LTBR: variants seen among roughly 807,000 people sequenced by gnomAD.
LTBR encodes the protein tumor necrosis factor receptor superfamily member 3.
LTBR carries 15 observed loss-of-function variants against 45.4 expected under a neutral mutation model. The observed-to-expected ratio is 0.33, with a 90% CI of 0.22 to 0.51. LTBR has a LOEUF of 0.51. LTBR is among the 20% of genes least tolerant of loss of function. The probability of loss-of-function intolerance (pLI) is 0.97; values close to 1 mark genes in which losing one functional copy is unlikely to be tolerated. For missense variants in LTBR, 450 were observed against 565.5 expected (o/e 0.80, Z 2.07); for synonymous variants, 228 against 231.0 (o/e 0.99, Z 0.12).
rs145130663 is a variant in LTBR at position 6,386,095 on chromosome 12, G to A, written c.502G>A (p.Val168Ile). The A allele has an allele frequency of 2.1e-5, 34 of 1,613,772 alleles. No individual in the cohort carries two copies. Among genetic ancestry groups the A allele is most frequent in the Middle Eastern group, 1.6e-4 (1 of 6,082 alleles). ...AGTTGGGAAGGGTAACAACCACTGCGTCCCCTGCAAGGCCGGGCACTTCCA... is the reference window on the plus strand; with the variant it reads ...AGTTGGGAAGGGTAACAACCACTGCATCCCCTGCAAGGCCGGGCACTTCCA... ...DEVGKGNNHC[V>I]PCKAGHFQNT... The change falls in exon 5 of 10, where the codon GTC (valine) becomes ATC (isoleucine). Residue 168 changes from valine to isoleucine, a missense_variant. Val to Ile is a conservative substitution (Grantham distance 29). Coordinates refer to ENST00000228918, the MANE Select transcript of LTBR (RefSeq NM_002342.3). The surrounding 1 kb of genome is among the most constrained non-coding windows in gnomAD (Gnocchi z 4.1).
chr12:6,382,400 C>T (rs569157114), upstream of LTBR, among the ~76,000 whole-genome samples: 1 of 152,118 alleles, frequency 6.6e-6, no homozygotes, highest in African/African-American at 2.4e-5. Flanking sequence ...GGTATATTAT[C>T]TTGCATGTGG....
intron 1 of LTBR, chr12:6,376,235 T>C (rs1948906376): frequency 7.2e-6 from 7 of 967,698 alleles, no homozygotes; most frequent in Non-Finnish European, 8.6e-6. Flanking sequence ...CCCTCCTCTT[T>C]CCTGCTGATT....
intron 4 of LTBR, chr12:6,385,742 T>C: frequency 3.0e-6 from 1 of 335,712 alleles, no homozygotes; most frequent in Non-Finnish European, 5.4e-6. Flanking sequence ...CCGTCTCTAC[T>C]AAAAATACAA....
rs563848590 is a variant in LTBR at position 6,385,167 on chromosome 12, C to CG, written c.319+27dup. On this transcript the variant is annotated intron_variant, in intron 3 of 9. Transcript: ENST00000228918. The stretch of plus-strand genomic sequence containing the variant: ...ACCCAGGTGAGTGGGGATGTGCCTG[C>CG]GGGGGGGCTGGATCCCCTGGAGCTT... The CG allele has an allele frequency of 9.3e-6, 15 of 1,613,554 alleles. No individual in the cohort carries two copies. Among genetic ancestry groups the CG allele is most frequent in the South Asian group, 4.4e-5 (4 of 91,080 alleles).
At chr12:6,376,191 G>A (rs986384778) in intron 1 of LTBR, 48 of 985,106 alleles carry the variant, frequency 4.9e-5, no homozygotes, top group Non-Finnish European at 5.7e-5. Flanking sequence ...TGGGAGCAGC[G>A]CACTCAGGTG....
Position 6,386,471 on chromosome 12 carries a change from G to A in LTBR, c.667+27G>A, listed in dbSNP as rs530145689. The A allele has an allele frequency of 4.3e-4, 680 of 1,571,060 alleles. 12 individuals carry two copies. The South Asian group carries it at 6.5e-3, about 15-fold the overall frequency. On this transcript the variant is annotated intron_variant, in intron 6 of 9. Coordinates refer to ENST00000228918, the MANE Select transcript of LTBR (RefSeq NM_002342.3). The surrounding 1 kb of genome is among the most constrained non-coding windows in gnomAD (Gnocchi z 4.1). Reference sequence around the variant, plus strand: ...TGAGGGACCAGGGCTGAGGGACACGGGGGGGGCGCCTCTGAAAATGCCTTA... The same window carrying A: ...TGAGGGACCAGGGCTGAGGGACACGAGGGGGGCGCCTCTGAAAATGCCTTA...
In LTBR at chr12:6,385,055, G is replaced by C; in HGVS notation, c.227G>C (p.Arg76Pro). The change falls in exon 3 of 10, where the codon CGG (arginine) becomes CCG (proline). Residue 76 changes from arginine to proline, a missense_variant. Arg to Pro is a moderately radical substitution (Grantham distance 103). Coordinates refer to ENST00000228918, the MANE Select transcript of LTBR (RefSeq NM_002342.3). ...TYVSAKCSRI[R>P]DTVCATCAEN... Reference sequence around the variant, plus strand: ...GTCTCAGCTAAATGTAGCCGCATCCGGGACACAGTTTGTGCCACATGTGCC... The same window carrying C: ...GTCTCAGCTAAATGTAGCCGCATCCCGGACACAGTTTGTGCCACATGTGCC... 6.2e-7 allele frequency: 1 copy of C among 1,614,150 alleles called. No homozygotes were observed. Among genetic ancestry groups the C allele is most frequent in the Non-Finnish European group, 8.5e-7 (1 of 1,180,016 alleles).
Position 6,391,026 on chromosome 12 carries a change from G to A in LTBR, c.*89G>A. The A allele has an allele frequency of 1.5e-6, 2 of 1,341,788 alleles. No homozygotes were observed. Among genetic ancestry groups the A allele is most frequent in the Non-Finnish European group, 2.0e-6 (2 of 1,008,726 alleles). 83.1% of individuals were successfully genotyped at this position (1,341,788 alleles called of 1,614,324 possible). A position where few individuals can be genotyped will look rare whatever the true frequency, so the allele number is the denominator to read the frequency against. ...GCCCACGTGGGATTCACAGGGGCCTGAGTAGGGCCCGGGGAAGCAGAGCCC... is the reference window on the plus strand; with the variant it reads ...GCCCACGTGGGATTCACAGGGGCCTAAGTAGGGCCCGGGGAAGCAGAGCCC... On this transcript the variant is annotated 3_prime_UTR_variant, in exon 10 of 10. Transcript: ENST00000228918.
intron 1 of LTBR, chr12:6,377,130 G>A (rs1948925796): frequency 4.3e-6 from 3 of 692,326 alleles, no homozygotes; most frequent in African/African-American, 1.8e-5. Flanking sequence ...AAGAGAAAAG[G>A]CAGTACTCCA....
Position 6,388,286 on chromosome 12 carries a change from T to C in LTBR, c.668-112T>C, listed in dbSNP as rs1949071239. On this transcript the variant is annotated intron_variant, in intron 6 of 9. Transcript: ENST00000228918. This position sits in a 1 kb window ranked among gnomAD's most constrained non-coding sequence, Gnocchi z 4.3. The stretch of plus-strand genomic sequence containing the variant: ...GCATTGTGTCTAGAAGGAAAAAAGC[T>C]GCTCCCTTTTCTCTGTCTGGGTTGC... 17 of 738,990 alleles carry C rather than the reference T, an allele frequency of 2.3e-5. No homozygotes were observed. The South Asian group carries it at 2.6e-4, about 11-fold the overall frequency. 45.8% of individuals were successfully genotyped at this position (738,990 alleles called of 1,614,324 possible). A position where few individuals can be genotyped will look rare whatever the true frequency, so the allele number is the denominator to read the frequency against.
Position 6,384,304 on chromosome 12 carries a change from C to T in LTBR, c.-55C>T. 1 of 1,437,168 alleles carries T rather than the reference C, an allele frequency of 7.0e-7. No individual in the cohort carries two copies. The allele number at this position is 1,437,168 out of a possible 1,614,324, so 89.0% of individuals were successfully genotyped here. On this transcript the variant is annotated 5_prime_UTR_variant, in exon 1 of 10. Transcript: ENST00000228918. The stretch of plus-strand genomic sequence containing the variant: ...GCCACCGCTGCCCAGGACGTCGGGC[C>T]TCCTGCCTTCCTCCCAGGCCCCCAC...
chr12:6,385,892 A>G (rs1236000245), intron 4 of LTBR, 174 bp from the exon 5 acceptor site: 7 of 524,466 alleles, frequency 1.3e-5, no homozygotes, highest in Admixed American at 3.5e-5. Flanking sequence ...GCGACAGAGC[A>G]AGACTCCGTC....
chr12:6,389,981 AAGAGAGAGAG>A, intron 8 of LTBR, 121 bp from the exon 9 acceptor site: 1 of 627,646 alleles, frequency 1.6e-6, no homozygotes, highest in African/African-American at 1.9e-5. Context: ...GAGAGAGAGA[AAGAGAGAGAG>A]AGAGAGAAAG....
Position 6,386,433 on chromosome 12 carries a change from C to A in LTBR, c.656C>A (p.Pro219Gln), listed in dbSNP as rs185897139. The A allele has an allele frequency of 1.9e-6, 3 of 1,611,880 alleles. No individual in the cohort carries two copies. In the African/African-American group the frequency reaches 4.0e-5, roughly 22 times the overall value. The change falls in exon 6 of 10, where the codon CCA (proline) becomes CAA (glutamine). Residue 219 changes from proline (P) to glutamine (Q), a missense_variant. Pro to Gln is a moderately conservative substitution (Grantham distance 76). Coordinates refer to ENST00000228918, the MANE Select transcript of LTBR (RefSeq NM_002342.3). The surrounding 1 kb of genome is among the most constrained non-coding windows in gnomAD (Gnocchi z 4.1). ...TCKNPLEPLP[P>Q]EMSGTMLMLA... Reference sequence around the variant, plus strand: ...AAAAATCCATTAGAGCCACTGCCCCCAGAGATGTCAGGTGAGGGACCAGGG... The same window carrying A: ...AAAAATCCATTAGAGCCACTGCCCCAAGAGATGTCAGGTGAGGGACCAGGG...
Position 6,386,278 on chromosome 12 carries a change from CT to C in LTBR, c.570-68del. 6.6e-7 allele frequency: 1 copy of C among 1,509,428 alleles called. No homozygotes were observed. The highest frequency in any genetic ancestry group is 1.1e-5 in the South Asian group (1 of 88,626). The allele number at this position is 1,509,428 out of a possible 1,614,324, so 93.5% of individuals were successfully genotyped here. ...GACTCACCACTTTCAGCCTCCCCGC[CT>C]GCCCAGTGGAGTCGGGACACTGGTG... On this transcript the variant is annotated intron_variant, in intron 5 of 9. Coordinates refer to ENST00000228918, the MANE Select transcript of LTBR (RefSeq NM_002342.3). This position sits in a 1 kb window ranked among gnomAD's most constrained non-coding sequence, Gnocchi z 4.1.
chr12:6,376,483 A>C (rs1344993125), intron 1 of LTBR, among the ~76,000 whole-genome samples: 1 of 152,234 alleles, frequency 6.6e-6, no homozygotes, highest in Non-Finnish European at 1.5e-5. Flanking sequence ...CAGGGAAAGC[A>C]GGCACTGAAG....
At chr12:6,389,923 C>T (rs1949091303) in intron 8 of LTBR, 189 bp from the exon 9 acceptor site, 1 of 594,888 alleles carries the variant, frequency 1.7e-6, no homozygotes, top group Non-Finnish European at 3.0e-6. Flanking sequence ...CACCACTGCA[C>T]TGTAGCCTGG....
intron 8 of LTBR, chr12:6,389,652 A>G (rs1949088075): frequency 6.4e-6 from 1 of 156,544 alleles, no homozygotes. Context: ...AAATACAAAA[A>G]TTAGCTGGGC....
chr12:6,380,172 C>T (rs1260083126), upstream of LTBR, among the ~76,000 whole-genome samples: 2 of 151,744 alleles, frequency 1.3e-5, no homozygotes, highest in African/African-American at 2.4e-5. Context: ...GTGACCAAAA[C>T]ATCTCCAAAT....
Sources: gnomAD v4.1 joint callset for allele counts (sites outside exome capture counted in the v4.1 genomes callset) on GRCh38, gnomAD v4.1.1 for gene constraint, Gnocchi (gnomAD v3.1) non-coding constraint, MANE v1.5 for transcripts, NCBI Gene and HGNC (gene_info 2026-07-23, HGNC 2026-07-21) for gene names.